The following RHD variants were observed in gnomAD, a reference collection of about 807,000 sequenced individuals.
RHD encodes the protein Rh blood group D antigen.
RHD carries 16 observed loss-of-function variants against 45.5 expected under a neutral mutation model. The ratio of observed to expected loss-of-function variants is 0.35; its 90% CI spans 0.24 to 0.53. The LOEUF (loss-of-function observed/expected upper bound fraction) is 0.53. RHD is among the 20% of genes least tolerant of loss of function. The pLI is 0.92. For missense variants in RHD, 306 were observed against 532.0 expected, an observed-to-expected ratio of 0.58 and a Z score of 4.18; for synonymous variants, 131 against 217.5, an observed-to-expected ratio of 0.60 and a Z score of 3.50.
rs111772627 is a variant in RHD, at chr1:25,291,504, T to TGATA, written c.486+726_486+729dup. Among the ~76,000 whole-genome samples the TGATA allele has an allele frequency of 3.1e-5, 4 of 130,926 alleles. 2 individuals are homozygous for TGATA. The highest frequency in any genetic ancestry group is 7.2e-5 in the Non-Finnish European group (4 of 55,374). The allele number at this position is 130,926 out of a possible 152,430, so 85.9% of individuals were successfully genotyped here. ...ATAAAGAAAAAAGAAAAGAAAAGATTGATAGATAGATAGATATCCAAATGA... is the reference window on the plus strand; with the variant it reads ...ATAAAGAAAAAAGAAAAGAAAAGATTGATAGATAGATAGATAGATATCCAAATGA... On this transcript the variant is annotated intron_variant, in intron 3 of 9. Transcript: ENST00000328664.
intron 8 of RHD, among the ~76,000 whole-genome samples, chr1:25,320,700 A>C (rs1482818617): frequency 7.6e-6 from 1 of 132,124 alleles, no homozygotes; most frequent in Admixed American, 7.4e-5. Flanking sequence ...ATCCAACTTC[A>C]GGAAGCTGGA....
chr1:25,320,130 T>A lies in RHD; in HGVS notation c.1154-1759T>A, dbSNP rs188156603. On this transcript the variant is annotated intron_variant, in intron 8 of 9. Coordinates refer to ENST00000328664, the MANE Select transcript of RHD (RefSeq NM_016124.6). ...TCATGCTGGTCTCGAACTCCTGACC[T>A]CAGGTGATCCGCCCACCTTGGCCTC... 1.8e-4 allele frequency among the ~76,000 whole-genome samples: 24 copies of A among 131,398 alleles called. 2 individuals carry two copies. The East Asian group carries it at 4.5e-3, about 25-fold the overall frequency. 86.2% of individuals were successfully genotyped at this position (131,398 alleles called of 152,430 possible).
At chr1:25,315,960 G>A (rs1284991783) in intron 7 of RHD, among the ~76,000 whole-genome samples, 1 of 131,700 alleles carries the variant, frequency 7.6e-6, no homozygotes, top group East Asian at 1.9e-4. Context: ...ACCCCATGAG[G>A]CTGCAGGCTT....
intron 6 of RHD, among the ~76,000 whole-genome samples, chr1:25,305,722 T>C (rs2124688453): frequency 7.7e-6 from 1 of 130,592 alleles, no homozygotes; most frequent in East Asian, 2.0e-4. Context: ...TGCCTCAGCC[T>C]CCTGAGTAGC....
In RHD at chr1:25,329,106, A is replaced by C. The variant is rs1206964858; in HGVS notation, c.*182A>C. On this transcript the variant is annotated 3_prime_UTR_variant, in exon 10 of 10. Coordinates refer to ENST00000328664, the MANE Select transcript of RHD (RefSeq NM_016124.6). ...GCCACTCTTTGAGGAGAATCTCACC[A>C]TTTATTATGCACTGTAGAATACAAC... 1 of 1,245,076 alleles carries C rather than the reference A, an allele frequency of 8.0e-7. No homozygotes were observed. Among genetic ancestry groups the C allele is most frequent in the Admixed American group, 2.1e-5 (1 of 48,412 alleles). 77.1% of individuals were successfully genotyped at this position (1,245,076 alleles called of 1,614,324 possible).
At position 25,277,074 on chromosome 1, in the gene RHD, A is replaced by T. The variant is rs564538376; in HGVS notation, c.148+4379A>T. ...AGAGCGAGACTCCGTCTAAAAAAAAATGAAAATAAAAATAAATGAAACATA... is the reference window on the plus strand; with the variant it reads ...AGAGCGAGACTCCGTCTAAAAAAAATTGAAAATAAAAATAAATGAAACATA... On this transcript the variant is annotated intron_variant, in intron 1 of 9. Transcript: ENST00000328664. Among the ~76,000 whole-genome samples, 5 of 132,878 alleles carry T rather than the reference A, an allele frequency of 3.8e-5. No individual in the cohort carries two copies. The South Asian group carries it at 9.2e-4, about 24-fold the overall frequency. The allele number at this position is 132,878 out of a possible 152,430, so 87.2% of individuals were successfully genotyped here. A position where few individuals can be genotyped will look rare whatever the true frequency, so the allele number is the denominator to read the frequency against.
At chr1:25,306,986 C>T in intron 7 of RHD, 1 of 429,302 alleles carries the variant, frequency 2.3e-6, no homozygotes, top group Non-Finnish European at 4.8e-6. Flanking sequence ...CTTTTGTGAT[C>T]CCACAAACAC....
rs374968435 is a variant in RHD, at chr1:25,284,795, A to G, written c.335+36A>G. The G allele has an allele frequency of 6.9e-4, 938 of 1,368,568 alleles. 158 individuals are homozygous for G. The African/African-American group carries it at 0.011, about 16-fold the overall frequency. 84.8% of individuals were successfully genotyped at this position (1,368,568 alleles called of 1,614,324 possible). A position where few individuals can be genotyped will look rare whatever the true frequency, so the allele number is the denominator to read the frequency against. Reference sequence around the variant, plus strand: ...GGTGGCTGGATCACTTCTGGGTCATAGAGGGAATGGACCCCGAAAGGACAG... The same window carrying G: ...GGTGGCTGGATCACTTCTGGGTCATGGAGGGAATGGACCCCGAAAGGACAG... On this transcript the variant is annotated intron_variant, in intron 2 of 9. Transcript: ENST00000328664.
rs1644527761 is a variant in RHD at position 25,318,503 on chromosome 1, G to A, written c.1153+1424G>A. On this transcript the variant is annotated intron_variant, in intron 8 of 9. Transcript: ENST00000328664. ...CTGGGGAGGCTGAAGTAGGGGAATG[G>A]CTTGACCCCAGGAGGTGGAGGTTAT... Among the ~76,000 whole-genome samples, 2 of 131,284 alleles carry A rather than the reference G, an allele frequency of 1.5e-5. 1 individual carries two copies. Among genetic ancestry groups the A allele is most frequent in the South Asian group, 4.7e-4 (2 of 4,264 alleles). The allele number at this position is 131,284 out of a possible 152,430, so 86.1% of individuals were successfully genotyped here.
rs1255470173 is a variant in RHD at position 25,287,334 on chromosome 1, CTGTT to C, written c.335+2580_335+2583del. Reference sequence around the variant, plus strand: ...CCCCTCATCTGATGTCCACAGGGACCTGTTTGTTCTTGACTCAATCTAGAAAGAC... The same window carrying C: ...CCCCTCATCTGATGTCCACAGGGACCTGTTCTTGACTCAATCTAGAAAGAC... On this transcript the variant is annotated intron_variant, in intron 2 of 9. Coordinates refer to ENST00000328664, the MANE Select transcript of RHD (RefSeq NM_016124.6). Among the ~76,000 whole-genome samples, 24 of 134,886 alleles carry C rather than the reference CTGTT, an allele frequency of 1.8e-4. No homozygotes were observed. The East Asian group carries it at 4.7e-3, about 26-fold the overall frequency. 88.5% of individuals were successfully genotyped at this position (134,886 alleles called of 152,430 possible).
chr1:25,293,760 A>T lies in RHD; in HGVS notation c.486+2969A>T, dbSNP rs1190192276. On this transcript the variant is annotated intron_variant, in intron 3 of 9. Coordinates refer to ENST00000328664, the MANE Select transcript of RHD (RefSeq NM_016124.6). Reference sequence around the variant, plus strand: ...CTGTCTAATTTTCTGCAAAGTTTTTATTCATGAATTAAGAGTATTTCCCTT... The same window carrying T: ...CTGTCTAATTTTCTGCAAAGTTTTTTTTCATGAATTAAGAGTATTTCCCTT... 9.1e-5 allele frequency among the ~76,000 whole-genome samples: 12 copies of T among 132,450 alleles called. 1 individual carries two copies. The highest frequency in any genetic ancestry group is 3.1e-4 in the African/African-American group (12 of 38,648). The allele number at this position is 132,450 out of a possible 152,430, so 86.9% of individuals were successfully genotyped here.
In RHD at chr1:25,304,603, A is replaced by T. The variant is rs1643653878; in HGVS notation, c.939+1144A>T. On this transcript the variant is annotated intron_variant, in intron 6 of 9. Coordinates refer to ENST00000328664, the MANE Select transcript of RHD (RefSeq NM_016124.6). ...ACAGAACAAGACTCTGTCTTAAAAAAAAAAAAAGTGGTTTATATACAGAGT... is the reference window on the plus strand; with the variant it reads ...ACAGAACAAGACTCTGTCTTAAAAATAAAAAAAGTGGTTTATATACAGAGT... The T allele has an allele frequency of 1.5e-5, 2 of 131,336 alleles. 1 individual carries two copies. The highest frequency in any genetic ancestry group is 5.2e-5 in the African/African-American group (2 of 38,136). 8.1% of individuals were successfully genotyped at this position (131,336 alleles called of 1,614,324 possible).
At chr1:25,311,957 T>G (rs937836378) in intron 7 of RHD, among the ~76,000 whole-genome samples, 2 of 128,750 alleles carry the variant, frequency 1.6e-5, no homozygotes, top group African/African-American at 5.5e-5. Context: ...CTAGTGGAGC[T>G]ACAAGGGTGG....
chr1:25,282,767 C>T lies in RHD; in HGVS notation c.149-1806C>T, dbSNP rs1427891980. Among the ~76,000 whole-genome samples, 2 of 130,276 alleles carry T rather than the reference C, an allele frequency of 1.5e-5. 1 individual carries two copies. The highest frequency in any genetic ancestry group is 3.6e-5 in the Non-Finnish European group (2 of 55,042). The allele number at this position is 130,276 out of a possible 152,430, so 85.5% of individuals were successfully genotyped here. On this transcript the variant is annotated intron_variant, in intron 1 of 9. Transcript: ENST00000328664. ...ATTAGCCAGGCGTGGTGGCGCGCGC[C>T]TGTGGTTCCCACTGAAGCACAGGAG...
chr1:25,300,168 G>A (rs1420504657), intron 3 of RHD, among the ~76,000 whole-genome samples: 1 of 131,408 alleles, frequency 7.6e-6, no homozygotes, highest in East Asian at 1.9e-4. Context: ...AATCAGTGAG[G>A]TGCGTGTCCA....
rs1643196212 is a variant in RHD, at chr1:25,299,283, G to A, written c.487-1663G>A. ...TGTAATCCCAGCTACTTGGGAGGCTGAAGCAGGAGAATCGCTTGAACCCAA... is the reference window on the plus strand; with the variant it reads ...TGTAATCCCAGCTACTTGGGAGGCTAAAGCAGGAGAATCGCTTGAACCCAA... On this transcript the variant is annotated intron_variant, in intron 3 of 9. Coordinates refer to ENST00000328664, the MANE Select transcript of RHD (RefSeq NM_016124.6). Among the ~76,000 whole-genome samples the A allele has an allele frequency of 1.5e-5, 2 of 130,154 alleles. 1 individual carries two copies. The highest frequency in any genetic ancestry group is 5.3e-5 in the African/African-American group (2 of 37,746). 85.4% of individuals were successfully genotyped at this position (130,154 alleles called of 152,430 possible). A position where few individuals can be genotyped will look rare whatever the true frequency, so the allele number is the denominator to read the frequency against.
rs1341927674 is a variant in RHD at position 25,306,044 on chromosome 1, A to G, written c.940-552A>G. ...GAAGGATTACTGAGTAGGGATCTGA[A>G]GGTGTGGCCTCATGCTTTCTTTCTA... is the stretch of plus-strand genomic sequence containing the variant. On this transcript the variant is annotated intron_variant, in intron 6 of 9. Coordinates refer to ENST00000328664, the MANE Select transcript of RHD (RefSeq NM_016124.6). Among the ~76,000 whole-genome samples, 5 of 131,702 alleles carry G rather than the reference A, an allele frequency of 3.8e-5. 1 individual carries two copies. The highest frequency in any genetic ancestry group is 9.0e-5 in the Non-Finnish European group (5 of 55,824). 86.4% of individuals were successfully genotyped at this position (131,702 alleles called of 152,430 possible).
At position 25,305,910 on chromosome 1, in the gene RHD, T is replaced by C. The variant is rs1643788747; in HGVS notation, c.940-686T>C. On this transcript the variant is annotated intron_variant, in intron 6 of 9. Transcript: ENST00000328664. The stretch of plus-strand genomic sequence containing the variant: ...AGCCACCGTGCCCAACCTGGATTTT[T>C]ATTCTGAAGACTAATAGGGATTCTA... Among the ~76,000 whole-genome samples, 2 of 131,848 alleles carry C rather than the reference T, an allele frequency of 1.5e-5. 1 individual carries two copies. Among genetic ancestry groups the C allele is most frequent in the African/African-American group, 5.2e-5 (2 of 38,254 alleles). 86.5% of individuals were successfully genotyped at this position (131,848 alleles called of 152,430 possible). A position where few individuals can be genotyped will look rare whatever the true frequency, so the allele number is the denominator to read the frequency against.
chr1:25,321,856 A>T, intron 8 of RHD, 33 bp from the exon 9 acceptor site: 1 of 1,054,526 alleles, frequency 9.5e-7, no homozygotes, highest in Non-Finnish European at 1.5e-6. Context: ...CTGTGCTCCA[A>T]ATCTTTTAAC....
Sources: allele counts gnomAD v4.1 joint callset (sites outside exome capture counted in the v4.1 genomes callset), GRCh38; gene constraint gnomAD v4.1.1; transcripts MANE v1.5; gene names NCBI Gene and HGNC (gene_info 2026-07-23, HGNC 2026-07-21).